UGT1A10: variants seen among roughly 807,000 people sequenced by gnomAD.
UGT1A10 encodes UDP-glucuronosyltransferase 1A10.
UGT1A10 carries 49 observed loss-of-function variants against 45.8 expected under a neutral mutation model. The observed-to-expected ratio is 1.07, with a 90% CI of 0.85 to 1.36. UGT1A10 has a LOEUF of 1.36. UGT1A10 is among the 40% of genes most tolerant of loss of function. The pLI is 0.00. For missense variants in UGT1A10, 745 were observed against 668.6 expected, an observed-to-expected ratio of 1.11 and a Z score of -1.26; for synonymous variants, 284 against 249.7, an observed-to-expected ratio of 1.14 and a Z score of -1.29.
At chr2:233,758,038 C>G (rs1696781117) in intron 1 of UGT1A10, among the ~76,000 whole-genome samples, 1 of 152,188 alleles carries the variant, frequency 6.6e-6, no homozygotes, top group Admixed American at 6.5e-5. Flanking sequence ...CCCCTCCTTT[C>G]AGGCAAGGAC....
intron 1 of UGT1A10, among the ~76,000 whole-genome samples, chr2:233,653,860 G>A (rs1174148687): frequency 6.6e-6 from 1 of 152,230 alleles, no homozygotes; most frequent in Non-Finnish European, 1.5e-5. Flanking sequence ...GCCTCCCAAA[G>A]TCCTGGGATT....
chr2:233,750,856 G>C (rs28899469), intron 1 of UGT1A10: 5,157 of 151,970 alleles, frequency 0.034, 172 homozygotes, highest in African/African-American at 0.052. Flanking sequence ...TGGATGTCCA[G>C]GCAGAAGTTT....
chr2:233,747,416 C>T, intron 1 of UGT1A10: 4 of 1,607,550 alleles, frequency 2.5e-6, no homozygotes, highest in Non-Finnish European at 3.4e-6. Context: ...TGAATATGCA[C>T]ATCAAACAAG....
At chr2:233,771,672 A>G (rs1345371063) in intron 4 of UGT1A10, 4 of 152,446 alleles carry the variant, frequency 2.6e-5, no homozygotes, top group Non-Finnish European at 4.4e-5. Flanking sequence ...CTCACAAAAT[A>G]TCACTAAAAA....
chr2:233,670,149 TAAG>T (rs2125498981), intron 1 of UGT1A10, among the ~76,000 whole-genome samples: 1 of 152,356 alleles, frequency 6.6e-6, no homozygotes, highest in African/African-American at 2.4e-5. Flanking sequence ...AAAATGTTAT[TAAG>T]AAAATCTTAA....
chr2:233,671,067 G>T (rs904842573), intron 1 of UGT1A10, among the ~76,000 whole-genome samples: 5 of 152,164 alleles, frequency 3.3e-5, no homozygotes, highest in Non-Finnish European at 5.9e-5. Flanking sequence ...TGTGAAAGGA[G>T]GGTGAAAACA....
intron 1 of UGT1A10, among the ~76,000 whole-genome samples, chr2:233,651,435 G>GT (rs901570116): frequency 6.6e-5 from 10 of 152,064 alleles, no homozygotes; most frequent in Non-Finnish European, 1.0e-4. Context: ...AAAAATACAT[G>GT]TTTTTTTGTA....
chr2:233,670,603 T>C (rs925456407), intron 1 of UGT1A10, among the ~76,000 whole-genome samples: 5 of 152,226 alleles, frequency 3.3e-5, no homozygotes, highest in African/African-American at 1.2e-4. Flanking sequence ...AAAGCACTCA[T>C]CTCCATCAAG....
At chr2:233,662,631 G>A (rs1339480517) in intron 1 of UGT1A10, among the ~76,000 whole-genome samples, 1 of 151,994 alleles carries the variant, frequency 6.6e-6, no homozygotes, top group Admixed American at 6.6e-5. Flanking sequence ...TCTTTTTCTT[G>A]TTTGACTGCA....
At chr2:233,668,059 A>T (rs1575412627) in intron 1 of UGT1A10, among the ~76,000 whole-genome samples, 2 of 151,260 alleles carry the variant, frequency 1.3e-5, no homozygotes, top group African/African-American at 4.9e-5. Context: ...TACTGTGCAC[A>T]TTTTTTTTTA....
At chr2:233,700,864 C>A (rs1043981415) in intron 1 of UGT1A10, among the ~76,000 whole-genome samples, 1 of 151,810 alleles carries the variant, frequency 6.6e-6, no homozygotes, top group Non-Finnish European at 1.5e-5. Flanking sequence ...TAATGCTATC[C>A]CTCCCTCCTC....
chr2:233,755,060 C>T, intron 1 of UGT1A10: 1 of 1,334,970 alleles, frequency 7.5e-7, no homozygotes, highest in Non-Finnish European at 1.0e-6. Context: ...CCGCCCTCGC[C>T]TCGCCATAGC....
chr2:233,690,760 TAC>T (rs899779207), intron 1 of UGT1A10: 456 of 901,510 alleles, frequency 5.1e-4, no homozygotes, highest in East Asian at 4.7e-3. Context: ...AGTGCAGACA[TAC>T]ACACACACAC....
chr2:233,718,603 T>G (rs2076667191), intron 1 of UGT1A10, among the ~76,000 whole-genome samples: 1 of 152,156 alleles, frequency 6.6e-6, no homozygotes, highest in Non-Finnish European at 1.5e-5. Flanking sequence ...TCAGATGAGC[T>G]TTTCAAGATA....
At chr2:233,652,870 T>A (rs576081268) in intron 1 of UGT1A10, among the ~76,000 whole-genome samples, 7 of 152,308 alleles carry the variant, frequency 4.6e-5, no homozygotes, top group Admixed American at 3.3e-4. Flanking sequence ...GAAGGAAACA[T>A]TTGGGGAAGT....
At chr2:233,698,914 C>T (rs12471030) in intron 1 of UGT1A10, among the ~76,000 whole-genome samples, 26,852 of 152,182 alleles carry the variant, frequency 0.18, 2,658 homozygotes, top group Non-Finnish European at 0.23. Flanking sequence ...CAAGGAGGGA[C>T]GTGGCCGTCT....
chr2:233,690,776 TACACAC>T lies in UGT1A10; in HGVS notation c.855+53418_855+53423del, dbSNP rs34459843. 2.6e-3 allele frequency: 2,717 copies of T among 1,027,408 alleles called. 10 individuals carry two copies. Among genetic ancestry groups the T allele is most frequent in the African/African-American group, 0.014 (800 of 58,378 alleles). The allele number at this position is 1,027,408 out of a possible 1,614,324, so 63.6% of individuals were successfully genotyped here. ...GTGCAGACATACACACACACACACA[TACACAC>T]ACACACACACACACACACCATTCTT... is the stretch of plus-strand genomic sequence containing the variant. On this transcript the variant is annotated intron_variant, in intron 1 of 4. Transcript: ENST00000344644.
chr2:233,653,480 G>A (rs904528792), intron 1 of UGT1A10, among the ~76,000 whole-genome samples: 5 of 152,164 alleles, frequency 3.3e-5, no homozygotes, highest in East Asian at 1.9e-4. Context: ...TTGCAGCTTT[G>A]ATCATCTGAA....
chr2:233,729,678 C>T (rs748966468), intron 1 of UGT1A10: 13 of 1,613,930 alleles, frequency 8.1e-6, no homozygotes, highest in Middle Eastern at 1.7e-4. Context: ...ACTTTAAGGG[C>T]ACACAGTGTC....
Sources: gnomAD v4.1 joint callset for allele counts (sites outside exome capture counted in the v4.1 genomes callset) on GRCh38, gnomAD v4.1.1 for gene constraint, MANE v1.5 for transcripts, NCBI Gene and HGNC (gene_info 2026-07-23, HGNC 2026-07-21) for gene names.